Variants in CLSTN2 observed in about 807,000 individuals in gnomAD.
CLSTN2 encodes the protein calsyntenin-2.
CLSTN2 carries 48 observed loss-of-function variants against 101.2 expected under a neutral mutation model. The observed-to-expected ratio is 0.47, with a 90% CI of 0.38 to 0.60. The LOEUF (loss-of-function observed/expected upper bound fraction) is 0.60. Among genes scored for constraint, CLSTN2 ranks in the 20% least tolerant of loss-of-function variants. The pLI, the probability that CLSTN2 is intolerant of heterozygous loss-of-function variation, is 0.00. For missense variants in CLSTN2, 1,160 were observed against 1,238.2 expected (o/e 0.94, Z 0.95); for synonymous variants, 481 against 463.6 (o/e 1.04, Z -0.48).
intron 4 of CLSTN2, among the ~76,000 whole-genome samples, chr3:140,415,282 C>A (rs767951087): frequency 6.6e-6 from 1 of 151,764 alleles, no homozygotes; most frequent in African/African-American, 2.4e-5. Context: ...GTAGTGGCAA[C>A]AATTTTTTAA....
chr3:140,114,278 T>C (rs1440221279), intron 1 of CLSTN2, among the ~76,000 whole-genome samples: 2 of 152,216 alleles, frequency 1.3e-5, no homozygotes, highest in Non-Finnish European at 2.9e-5. Context: ...TTTTTGTGCT[T>C]TGCATATGTT....
intron 1 of CLSTN2, among the ~76,000 whole-genome samples, chr3:140,052,095 C>T (rs1274085184): frequency 6.6e-6 from 1 of 152,204 alleles, no homozygotes; most frequent in African/African-American, 2.4e-5. Context: ...TTATCTTTCT[C>T]CAGGCCTGGC....
chr3:140,296,509 A>G (rs976419432), intron 2 of CLSTN2, among the ~76,000 whole-genome samples: 1 of 152,200 alleles, frequency 6.6e-6, no homozygotes, highest in Non-Finnish European at 1.5e-5. Flanking sequence ...AACTTTTCAA[A>G]CAGTCTCAGC....
At chr3:139,940,636 C>T (rs1305641070) in intron 1 of CLSTN2, among the ~76,000 whole-genome samples, 2 of 152,052 alleles carry the variant, frequency 1.3e-5, no homozygotes, top group Non-Finnish European at 2.9e-5. Context: ...CTCTCTCTGC[C>T]TCTCTCTCCT....
intron 6 of CLSTN2, among the ~76,000 whole-genome samples, chr3:140,452,028 A>G (rs1288742727): frequency 6.6e-6 from 1 of 152,172 alleles, no homozygotes; most frequent in Admixed American, 6.5e-5. Flanking sequence ...TCAATGATTG[A>G]TTAGCTGTCA....
chr3:140,166,545 A>G (rs559675697), intron 1 of CLSTN2, among the ~76,000 whole-genome samples: 50 of 152,318 alleles, frequency 3.3e-4, no homozygotes, highest in African/African-American at 1.2e-3. Flanking sequence ...TAAAAGCATA[A>G]AGATTCAAAA....
At position 140,233,788 on chromosome 3, in the gene CLSTN2, T is replaced by A. The variant is rs116325771; in HGVS notation, c.232+57715T>A. Among the ~76,000 whole-genome samples, 1,316 of 152,306 alleles carry A rather than the reference T, an allele frequency of 8.6e-3. 22 individuals carry two copies. Among genetic ancestry groups the A allele is most frequent in the African/African-American group, 0.03 (1,248 of 41,562 alleles). On this transcript the variant is annotated intron_variant, in intron 2 of 16. Coordinates refer to ENST00000458420, the MANE Select transcript of CLSTN2 (RefSeq NM_022131.3). Reference sequence around the variant, plus strand: ...ATATATCTGTTTAGCTTGAAACATATTTTCTCCTTCCACAATCCCTCTTCC... The same window carrying A: ...ATATATCTGTTTAGCTTGAAACATAATTTCTCCTTCCACAATCCCTCTTCC...
At chr3:139,993,158 A>C (rs1225567494) in intron 1 of CLSTN2, among the ~76,000 whole-genome samples, 2 of 151,988 alleles carry the variant, frequency 1.3e-5, no homozygotes, top group Admixed American at 1.3e-4. Context: ...CTTTCTTCTC[A>C]TTCCCTCATA....
intron 2 of CLSTN2, among the ~76,000 whole-genome samples, chr3:140,208,564 A>G (rs1451368862): frequency 2.6e-5 from 4 of 152,054 alleles, no homozygotes; most frequent in Admixed American, 2.0e-4. Flanking sequence ...TGACATTATT[A>G]TTCATTACTT....
At chr3:140,031,171 G>A (rs568802915) in intron 1 of CLSTN2, among the ~76,000 whole-genome samples, 2 of 152,168 alleles carry the variant, frequency 1.3e-5, no homozygotes, top group Non-Finnish European at 2.9e-5. Flanking sequence ...GGAAAGCAAT[G>A]TAGGGTCATG....
intron 1 of CLSTN2, among the ~76,000 whole-genome samples, chr3:140,171,598 G>A (rs1458329712): frequency 3.0e-5 from 4 of 132,044 alleles, no homozygotes; most frequent in African/African-American, 1.1e-4. Context: ...AATATATACT[G>A]TATAATGTGC....
chr3:140,143,366 G>A (rs1350881151), intron 1 of CLSTN2, among the ~76,000 whole-genome samples: 1 of 152,166 alleles, frequency 6.6e-6, no homozygotes, highest in East Asian at 1.9e-4. Flanking sequence ...CGGGGTCTAA[G>A]GGCAGGAGAA....
In CLSTN2 at chr3:140,279,926, A is replaced by G. The variant is rs2086828993; in HGVS notation, c.232+103853A>G. On this transcript the variant is annotated intron_variant, in intron 2 of 16. Coordinates refer to ENST00000458420, the MANE Select transcript of CLSTN2 (RefSeq NM_022131.3). ...TGTAGCACAACCTTGCAGGTGCACA[A>G]TAAGCCATCACCTGGTGGCTAAAGC... Among the ~76,000 whole-genome samples, 3 of 152,174 alleles carry G rather than the reference A, an allele frequency of 2.0e-5. No homozygotes were observed. The South Asian group carries it at 6.2e-4, about 32-fold the overall frequency.
At chr3:140,147,167 A>G (rs1343060951) in intron 1 of CLSTN2, among the ~76,000 whole-genome samples, 1 of 152,210 alleles carries the variant, frequency 6.6e-6, no homozygotes, top group Non-Finnish European at 1.5e-5. Flanking sequence ...ATTTAGGTAA[A>G]TGTCTGTACA....
chr3:140,062,645 C>T (rs1032571228), intron 1 of CLSTN2, among the ~76,000 whole-genome samples: 2 of 152,172 alleles, frequency 1.3e-5, no homozygotes, highest in Non-Finnish European at 2.9e-5. Flanking sequence ...AGCCAAAGTC[C>T]CTCTCCCAGA....
chr3:140,334,458 T>C (rs2087421297), intron 2 of CLSTN2, among the ~76,000 whole-genome samples: 1 of 152,210 alleles, frequency 6.6e-6, no homozygotes, highest in African/African-American at 2.4e-5. Flanking sequence ...GTACATTTGC[T>C]TTTCTGTGAA....
intron 2 of CLSTN2, among the ~76,000 whole-genome samples, chr3:140,235,264 C>A (rs1347492557): frequency 6.6e-6 from 1 of 152,140 alleles, no homozygotes. Flanking sequence ...ATAGTAGATT[C>A]TCTCCCCATG....
At chr3:140,017,097 C>T (rs549885558) in intron 1 of CLSTN2, among the ~76,000 whole-genome samples, 103 of 152,244 alleles carry the variant, frequency 6.8e-4, no homozygotes, top group African/African-American at 2.5e-3. Flanking sequence ...CAGTTACATG[C>T]CTGTGGTGTG....
chr3:140,526,605 AAAC>A (rs1157678955), intron 8 of CLSTN2, among the ~76,000 whole-genome samples: 18 of 150,856 alleles, frequency 1.2e-4, no homozygotes, highest in East Asian at 1.2e-3. Context: ...CAAAAAAAAA[AAAC>A]AACCACAGCA....
Sources: allele counts gnomAD v4.1 joint callset (sites outside exome capture counted in the v4.1 genomes callset), GRCh38; gene constraint gnomAD v4.1.1; transcripts MANE v1.5; gene names NCBI Gene and HGNC (gene_info 2026-07-23, HGNC 2026-07-21).